Variants in PIK3R3 observed in about 807,000 individuals in gnomAD.
PIK3R3 encodes phosphatidylinositol 3-kinase regulatory subunit gamma.
Under a neutral mutation model 62.9 loss-of-function variants are expected in PIK3R3, and 64 were observed. The ratio of observed to expected loss-of-function variants is 1.02; its 90% confidence interval spans 0.83 to 1.25. The LOEUF (loss-of-function observed/expected upper bound fraction) is 1.25, where lower values mean the gene tolerates loss of function less well. Ranked by LOEUF, PIK3R3 falls within the 50% of genes most tolerant of loss-of-function variation. PIK3R3 has a pLI of 0.00. For synonymous variants in PIK3R3, 165 were observed against 189.0 expected (o/e 0.87, Z 1.04); for missense variants, 614 against 561.6 (o/e 1.09, Z -0.94).
chr1:46,172,322 G>T, the PIK3R3 span, among the ~76,000 whole-genome samples: 1 of 152,258 alleles, frequency 6.6e-6, no homozygotes, highest in East Asian at 1.9e-4. Context: ...ACTACAGGAA[G>T]ATTTCAAAGA....
intron 7 of PIK3R3, among the ~76,000 whole-genome samples, chr1:46,053,382 C>T (rs1048925867): frequency 9.9e-5 from 15 of 152,162 alleles, no homozygotes; most frequent in Non-Finnish European, 1.8e-4. Flanking sequence ...CTTCCAAGGT[C>T]TGGTTTGCCA....
intron 1 of PIK3R3, among the ~76,000 whole-genome samples, chr1:46,114,771 A>ATT (rs60059325): frequency 0.014 from 1,396 of 99,164 alleles, 10 homozygotes; most frequent in Non-Finnish European, 0.016. Context: ...AGCCTCACTA[A>ATT]TTTTTTTTTT....
chr1:46,142,851 G>A, the PIK3R3 span, among the ~76,000 whole-genome samples: 1 of 152,170 alleles, frequency 6.6e-6, no homozygotes, highest in Non-Finnish European at 1.5e-5. Flanking sequence ...CTCAAGCAAT[G>A]GGGGGAGTTT....
intron 1 of PIK3R3, among the ~76,000 whole-genome samples, chr1:46,104,236 T>G (rs1158529017): frequency 6.6e-6 from 1 of 152,140 alleles, no homozygotes; most frequent in Non-Finnish European, 1.5e-5. Flanking sequence ...ACATGAAGTT[T>G]TTTAAAACTG....
chr1:46,174,546 T>C, the PIK3R3 span, among the ~76,000 whole-genome samples: 10 of 152,168 alleles, frequency 6.6e-5, no homozygotes, highest in Admixed American at 3.9e-4. Context: ...CCTAGCCCCT[T>C]GGGAAGGTAG....
intron 4 of PIK3R3, among the ~76,000 whole-genome samples, 191 bp downstream of exon 4, chr1:46,066,720 G>C (rs1649024390): frequency 6.6e-6 from 1 of 152,132 alleles, no homozygotes; most frequent in Non-Finnish European, 1.5e-5. Context: ...GAGCCCAGAA[G>C]GTCAAGACTG....
chr1:46,044,298 T>G lies in PIK3R3; in HGVS notation c.1188-427A>C, dbSNP rs1283694759. On this transcript the variant is annotated intron_variant, in intron 9 of 9. Coordinates refer to ENST00000262741, the MANE Select transcript of PIK3R3 (RefSeq NM_003629.4). The surrounding 1 kb of genome is among the most constrained non-coding windows in gnomAD (Gnocchi z 4.2). ...TATGTTGCCCAGGCTGGTCGTGAAC[T>G]CCTGGGCTCAAGGAATCCTCCTGCC... Among the ~76,000 whole-genome samples, 1 of 152,090 alleles carries G rather than the reference T, an allele frequency of 6.6e-6. No homozygotes were observed. The highest frequency in any genetic ancestry group is 3.2e-3 in the Middle Eastern group (1 of 316).
intron 1 of PIK3R3, among the ~76,000 whole-genome samples, chr1:46,086,147 AGTGT>A (rs1242455012): frequency 6.6e-6 from 1 of 152,262 alleles, no homozygotes; most frequent in Admixed American, 6.5e-5. Flanking sequence ...AGATGTTTTA[AGTGT>A]GTGTATGTGT....
At chr1:46,062,191 T>C in intron 5 of PIK3R3, 120 bp from the exon 6 acceptor site, 1 of 757,888 alleles carries the variant, frequency 1.3e-6, no homozygotes, top group Non-Finnish European at 2.1e-6. Flanking sequence ...ACACCTAGTC[T>C]TTCAAAAGTC....
At chr1:46,109,674 T>G (rs1557620149) in intron 1 of PIK3R3, among the ~76,000 whole-genome samples, 1 of 152,012 alleles carries the variant, frequency 6.6e-6, no homozygotes, top group Non-Finnish European at 1.5e-5. Flanking sequence ...TTAGTAGAGA[T>G]GTGTTCACCA....
At chr1:46,074,755 T>G (rs1363918751) in intron 3 of PIK3R3, among the ~76,000 whole-genome samples, 1 of 152,098 alleles carries the variant, frequency 6.6e-6, no homozygotes, top group Non-Finnish European at 1.5e-5. Flanking sequence ...GAGCTCAACG[T>G]CCCCAGCCTC....
At chr1:46,103,260 G>C (rs139933931) in intron 1 of PIK3R3, among the ~76,000 whole-genome samples, 328 of 152,264 alleles carry the variant, frequency 2.2e-3, no homozygotes, top group South Asian at 6.4e-3. Context: ...AATATGCTTA[G>C]TATCACTTAA....
intron 1 of PIK3R3, among the ~76,000 whole-genome samples, chr1:46,100,189 T>C (rs1014785803): frequency 1.3e-5 from 2 of 152,204 alleles, no homozygotes; most frequent in Non-Finnish European, 2.9e-5. Flanking sequence ...CAGTTCAAAT[T>C]TCAAGTCTTG....
chr1:46,156,162 G>A, the PIK3R3 span, among the ~76,000 whole-genome samples: 5 of 152,074 alleles, frequency 3.3e-5, no homozygotes, highest in Admixed American at 6.6e-5. Context: ...AAATGTGCAT[G>A]TTCTTCCTGG....
Position 46,046,583 on chromosome 1 carries a change from G to C in PIK3R3, c.984C>G (p.Val328=). The C allele has an allele frequency of 6.2e-7, 1 of 1,613,496 alleles. No individual in the cohort carries two copies. Among genetic ancestry groups the C allele is most frequent in the Non-Finnish European group, 8.5e-7 (1 of 1,179,418 alleles). ...HKGVRQKRLN[V]WLGIKNEDAD... ...CATCCTCATTCTTAATTCCCAGCCA[G>C]ACATTCAGGCGTTTCTGTCTCACTC... The change falls in exon 8 of 10, where the codon GTC becomes GTG. Residue 328 remains valine (V), a synonymous_variant. Coordinates refer to ENST00000262741, the MANE Select transcript of PIK3R3 (RefSeq NM_003629.4).
At chr1:46,050,620 T>C (rs1381320355) in intron 7 of PIK3R3, among the ~76,000 whole-genome samples, 2 of 152,140 alleles carry the variant, frequency 1.3e-5, no homozygotes, top group African/African-American at 2.4e-5. Context: ...GAAACCCCAA[T>C]TATCACTACT....
chr1:46,139,380 A>G, the PIK3R3 span, among the ~76,000 whole-genome samples: 1 of 151,654 alleles, frequency 6.6e-6, no homozygotes, highest in East Asian at 1.9e-4. Context: ...ATCTGGGCTC[A>G]CTGGAACCTC....
intron 1 of PIK3R3, among the ~76,000 whole-genome samples, chr1:46,091,163 CAG>C (rs1413517016): frequency 1.5e-5 from 2 of 135,642 alleles, no homozygotes; most frequent in African/African-American, 5.5e-5. Flanking sequence ...TTTTTTGAGA[CAG>C]AGTCTCACTC....
intron 1 of PIK3R3, among the ~76,000 whole-genome samples, chr1:46,094,717 A>T (rs1324000196): frequency 2.0e-5 from 3 of 152,220 alleles, no homozygotes; most frequent in Non-Finnish European, 4.4e-5. Context: ...TAGTGTGCTC[A>T]TTAGTAACAC....
Sources: gnomAD v4.1 joint callset for allele counts (sites outside exome capture counted in the v4.1 genomes callset) on GRCh38, gnomAD v4.1.1 for gene constraint, Gnocchi (gnomAD v3.1) non-coding constraint, MANE v1.5 for transcripts, NCBI Gene and HGNC (gene_info 2026-07-23, HGNC 2026-07-21) for gene names.